TESMIN: variants seen among roughly 807,000 people sequenced by gnomAD.
The protein encoded by TESMIN is testis expressed metallothionein like protein.
Under a neutral mutation model 47.4 loss-of-function variants are expected in TESMIN, and 34 were observed. That is an observed-to-expected ratio of 0.72 (90% CI 0.55 to 0.96). The LOEUF is 0.96. Among genes scored for constraint, TESMIN ranks in the 40% least tolerant of loss-of-function variants. The pLI is 0.00. For missense variants in TESMIN, 610 were observed against 637.2 expected, an observed-to-expected ratio of 0.96 and a Z score of 0.46; for synonymous variants, 278 against 258.9, an observed-to-expected ratio of 1.07 and a Z score of -0.71.
At chr11:68,711,162 A>AGT (rs1261808673) in intron 8 of TESMIN, 113 bp from the exon 9 acceptor site, 5 of 925,466 alleles carry the variant, frequency 5.4e-6, no homozygotes, top group East Asian at 2.6e-5. Flanking sequence ...CATGACAGAG[A>AGT]GTGTGTGTGT....
rs755780223 is a variant in TESMIN at position 68,713,358 on chromosome 11, C to T, written c.1070G>A (p.Gly357Asp). 4.3e-6 allele frequency: 7 copies of T among 1,614,122 alleles called. No individual in the cohort carries two copies. Among genetic ancestry groups the T allele is most frequent in the Non-Finnish European group, 5.9e-6 (7 of 1,180,010 alleles). Reference protein sequence around the residue: ...PEAFQPKIGKGQLGNVKPQHN... With the variant: ...PEAFQPKIGKDQLGNVKPQHN... ...CTGGGGCTTGACATTGCCCAATTGG[C>T]CCTTCCCAATTTTTGGCTGGAAAGC... The change falls in exon 8 of 10, where the codon GGC becomes GAC. Residue 357 changes from glycine to aspartate, a missense_variant. Coordinates refer to ENST00000255087, the MANE Select transcript of TESMIN (RefSeq NM_004923.3).
Position 68,750,316 on chromosome 11 carries a change from C to A in TESMIN, c.345G>T (p.Pro115=). 1 of 1,517,192 alleles carries A rather than the reference C, an allele frequency of 6.6e-7. No individual in the cohort carries two copies. The highest frequency in any genetic ancestry group is 8.8e-7 in the Non-Finnish European group (1 of 1,137,730). 94.0% of individuals were successfully genotyped at this position (1,517,192 alleles called of 1,614,324 possible). ...AGTGCACGTTGCAGGCGGGCGGCTG[C>A]GGGGCCTGCAGGAGCGCGACGTCCT... ...ALEDVALLQA[P]QPPACNVHFL... Residue 115 remains proline (P), a synonymous_variant, in exon 2 of 10, where the codon CCG becomes CCT. Transcript: ENST00000255087.
intron 6 of TESMIN, among the ~76,000 whole-genome samples, chr11:68,724,887 C>A (rs1043468357): frequency 6.6e-6 from 1 of 152,056 alleles, no homozygotes; most frequent in African/African-American, 2.4e-5. Flanking sequence ...TTATTTAGGG[C>A]AAGGCAAGGG....
intron 6 of TESMIN, among the ~76,000 whole-genome samples, chr11:68,735,084 A>G (rs555308375): frequency 1.3e-5 from 2 of 152,356 alleles, no homozygotes; most frequent in Admixed American, 1.3e-4. Context: ...ATGTTGCTGA[A>G]TGCTGTATTA....
chr11:68,750,638 C>A lies in TESMIN; in HGVS notation c.23G>T (p.Gly8Val). ...CGCATCCTCGGGGCTGGGCAGCCCG[C>A]CCGGCAGAGGGCCCTCCTCCATGGC... is the stretch of plus-strand genomic sequence containing the variant. MEEGPLP[G>V]GLPSPEDAMV... The change falls in exon 2 of 10, where the codon GGC (glycine) becomes GTC (valine). Residue 8 changes from glycine (G) to valine (V), a missense_variant. Gly to Val is a moderately radical substitution (Grantham distance 109). Coordinates refer to ENST00000255087, the MANE Select transcript of TESMIN (RefSeq NM_004923.3). 1 of 1,567,914 alleles carries A rather than the reference C, an allele frequency of 6.4e-7. No homozygotes were observed. Among genetic ancestry groups the A allele is most frequent in the Non-Finnish European group, 8.7e-7 (1 of 1,155,190 alleles).
chr11:68,710,739 A>C (rs10750832), intron 9 of TESMIN, 135 bp downstream of exon 9: 1 of 835,208 alleles, frequency 1.2e-6, no homozygotes, highest in African/African-American at 1.7e-5. Context: ...GGGAGGAACG[A>C]CTTCCCTCTG....
At chr11:68,739,185 G>GACAT (rs1379102571) in intron 5 of TESMIN, among the ~76,000 whole-genome samples, 1 of 152,188 alleles carries the variant, frequency 6.6e-6, no homozygotes, top group Non-Finnish European at 1.5e-5. Context: ...TACAGATCTT[G>GACAT]ACATTTGAAG....
rs1166572652 is a variant in TESMIN at position 68,707,979 on chromosome 11, C to T, written c.*329G>A. 2.2e-6 allele frequency: 1 copy of T among 449,162 alleles called. No individual in the cohort carries two copies. Among genetic ancestry groups the T allele is most frequent in the Non-Finnish European group, 4.4e-6 (1 of 229,840 alleles). 27.8% of individuals were successfully genotyped at this position (449,162 alleles called of 1,614,324 possible). A position where few individuals can be genotyped will look rare whatever the true frequency, so the allele number is the denominator to read the frequency against. On this transcript the variant is annotated 3_prime_UTR_variant, in exon 10 of 10. Coordinates refer to ENST00000255087, the MANE Select transcript of TESMIN (RefSeq NM_004923.3). ...TCTCCGCAGGGCCTGCTCTGCCCTC[C>T]CCTGCCCCGCTCTGCCCTTCGCAGG...
intron 6 of TESMIN, among the ~76,000 whole-genome samples, chr11:68,722,019 A>C (rs1189207938): frequency 6.6e-6 from 1 of 151,528 alleles, no homozygotes; most frequent in Non-Finnish European, 1.5e-5. Context: ...GATACCTGCT[A>C]CATCAGTGTC....
rs959866905 is a variant in TESMIN, at chr11:68,708,208, G to C, written c.*100C>G. 1 of 1,211,972 alleles carries C rather than the reference G, an allele frequency of 8.3e-7. No individual in the cohort carries two copies. Among genetic ancestry groups the C allele is most frequent in the Non-Finnish European group, 1.2e-6 (1 of 861,896 alleles). The allele number at this position is 1,211,972 out of a possible 1,614,324, so 75.1% of individuals were successfully genotyped here. A position where few individuals can be genotyped will look rare whatever the true frequency, so the allele number is the denominator to read the frequency against. On this transcript the variant is annotated 3_prime_UTR_variant, in exon 10 of 10. Coordinates refer to ENST00000255087, the MANE Select transcript of TESMIN (RefSeq NM_004923.3). ...GGGCCCAGGGATGCAGGGGAGCCTG[G>C]TTGTTGCTGCAGAGCCAGCCTCATG...
chr11:68,725,981 G>A (rs929047151), intron 6 of TESMIN, among the ~76,000 whole-genome samples: 1 of 152,204 alleles, frequency 6.6e-6, no homozygotes, highest in Admixed American at 6.5e-5. Context: ...AGCATCTGCT[G>A]ATCCCAGCAA....
chr11:68,708,015 C>A lies in TESMIN; in HGVS notation c.*293G>T. On this transcript the variant is annotated 3_prime_UTR_variant, in exon 10 of 10. Transcript: ENST00000255087. Reference sequence around the variant, plus strand: ...TCTGCCCTTCGCAGGGCCTGCTGTGCCCTCCCCTGCCCTGCTCTGCCCTCC... The same window carrying A: ...TCTGCCCTTCGCAGGGCCTGCTGTGACCTCCCCTGCCCTGCTCTGCCCTCC... 2.2e-6 allele frequency: 1 copy of A among 448,128 alleles called. No homozygotes were observed. The highest frequency in any genetic ancestry group is 2.0e-5 in the African/African-American group (1 of 50,376). 27.8% of individuals were successfully genotyped at this position (448,128 alleles called of 1,614,324 possible).
chr11:68,736,328 A>T, intron 6 of TESMIN: 6 of 985,310 alleles, frequency 6.1e-6, no homozygotes, highest in Non-Finnish European at 7.2e-6. Context: ...TCACCCCCCA[A>T]CCCTAACAAA....
chr11:68,736,856 A>G (rs1946393003), intron 6 of TESMIN: 7 of 983,026 alleles, frequency 7.1e-6, no homozygotes, highest in Middle Eastern at 5.1e-4. Flanking sequence ...GGGGAGAGGA[A>G]AAGGGGGAAA....
rs1482451585 is a variant in TESMIN at position 68,707,759 on chromosome 11, T to G, written c.*549A>C. 2 of 450,398 alleles carry G rather than the reference T, an allele frequency of 4.4e-6. No homozygotes were observed. The highest frequency in any genetic ancestry group is 4.7e-5 in the Admixed American group (2 of 42,384). The allele number at this position is 450,398 out of a possible 1,614,324, so 27.9% of individuals were successfully genotyped here. On this transcript the variant is annotated 3_prime_UTR_variant, in exon 10 of 10. Coordinates refer to ENST00000255087, the MANE Select transcript of TESMIN (RefSeq NM_004923.3). ...GAAAGACTGACAGTTCGCGTGCCTC[T>G]GGGGAAATATCTACGCTACAGAAAA...
intron 6 of TESMIN, among the ~76,000 whole-genome samples, chr11:68,734,813 G>A (rs1429930082): frequency 6.6e-6 from 1 of 152,200 alleles, no homozygotes; most frequent in Non-Finnish European, 1.5e-5. Flanking sequence ...CAAAGTCTTC[G>A]CCCTGTCCTC....
In TESMIN at chr11:68,713,268, A is replaced by G; in HGVS notation, c.1158+2T>C. On this transcript the variant is annotated splice_donor_variant, in intron 8 of 9. Transcript: ENST00000255087. LOFTEE classifies it high-confidence loss of function. Reference sequence around the variant, plus strand: ...TAGTGAGTTAGGGAGCTGGGCACTAACCTCATAGCACTCGCAGTAATTCTT... The same window carrying G: ...TAGTGAGTTAGGGAGCTGGGCACTAGCCTCATAGCACTCGCAGTAATTCTT... 6.2e-7 allele frequency: 1 copy of G among 1,613,244 alleles called. No homozygotes were observed.
At chr11:68,726,668 T>C (rs2153991410) in intron 6 of TESMIN, among the ~76,000 whole-genome samples, 1 of 152,230 alleles carries the variant, frequency 6.6e-6, no homozygotes, top group East Asian at 1.9e-4. Context: ...AAAATGACCA[T>C]CCAGATTTCA....
At chr11:68,724,381 A>G (rs1297093469) in intron 6 of TESMIN, among the ~76,000 whole-genome samples, 3 of 152,230 alleles carry the variant, frequency 2.0e-5, no homozygotes, top group Non-Finnish European at 2.9e-5. Flanking sequence ...AATAGAAGGA[A>G]GCATCCTTAA....
Sources: gnomAD v4.1 joint callset for allele counts (sites outside exome capture counted in the v4.1 genomes callset) on GRCh38, gnomAD v4.1.1 for gene constraint, MANE v1.5 for transcripts, NCBI Gene and HGNC (gene_info 2026-07-23, HGNC 2026-07-21) for gene names.